The following GRIN2B variants were observed in gnomAD, a reference collection of about 807,000 sequenced individuals.
GRIN2B encodes glutamate receptor ionotropic, NMDA 2B.
GRIN2B carries 5 observed loss-of-function variants against 114.5 expected under a neutral mutation model. The ratio of observed to expected loss-of-function variants is 0.04; its 90% CI spans 0.02 to 0.09. The LOEUF is 0.09. Among genes scored for constraint, GRIN2B ranks in the 10% least tolerant of loss-of-function variants. GRIN2B has a pLI of 1.00. For missense variants in GRIN2B, 1,108 were observed against 1,943.5 expected, an observed-to-expected ratio of 0.57 and a Z score of 8.08; for synonymous variants, 787 against 745.1, an observed-to-expected ratio of 1.06 and a Z score of -0.92.
intron 2 of GRIN2B, among the ~76,000 whole-genome samples, chr12:13,905,969 C>T (rs920146678): frequency 6.6e-5 from 10 of 152,124 alleles, no homozygotes; most frequent in African/African-American, 2.2e-4. Flanking sequence ...CTAGGCTCCC[C>T]GCTTGGGTTG....
At chr12:13,686,942 C>G (rs548331934) in intron 4 of GRIN2B, among the ~76,000 whole-genome samples, 11 of 152,204 alleles carry the variant, frequency 7.2e-5, no homozygotes, top group African/African-American at 2.6e-4. Flanking sequence ...CCTTCTTTAT[C>G]AGGTCCCATG....
chr12:13,774,263 G>C (rs2136648831), intron 3 of GRIN2B, among the ~76,000 whole-genome samples: 1 of 152,286 alleles, frequency 6.6e-6, no homozygotes, highest in African/African-American at 2.4e-5. Flanking sequence ...GATAAAGATA[G>C]AACCACTTTA....
chr12:13,694,656 CATATATATATAT>C (rs67570541), intron 4 of GRIN2B, among the ~76,000 whole-genome samples: 6,685 of 71,060 alleles, frequency 0.094, 366 homozygotes, highest in Middle Eastern at 0.15. Context: ...AAGAAAATGT[CATATATATATAT>C]ATATATATAT....
Position 13,539,269 on chromosome 12 carries a change from C to T in GRIN2B, c.*23514G>A, listed in dbSNP as rs1948248500. 1 of 152,342 alleles carries T rather than the reference C, an allele frequency of 6.6e-6. No individual in the cohort carries two copies. The highest frequency in any genetic ancestry group is 6.5e-5 in the Admixed American group (1 of 15,314). The allele number at this position is 152,342 out of a possible 1,614,324, so 9.4% of individuals were successfully genotyped here. On this transcript the variant is annotated 3_prime_UTR_variant, in exon 14 of 14. Coordinates refer to ENST00000609686, the MANE Select transcript of GRIN2B (RefSeq NM_000834.5). Reference sequence around the variant, plus strand: ...TGCCATACATGAGCTCACCCAGGCTCCTTGGCCATGAGACAGAGTTCTTCT... The same window carrying T: ...TGCCATACATGAGCTCACCCAGGCTTCTTGGCCATGAGACAGAGTTCTTCT...
At chr12:13,642,221 C>CA (rs912222983) in intron 5 of GRIN2B, among the ~76,000 whole-genome samples, 25 of 151,868 alleles carry the variant, frequency 1.6e-4, no homozygotes, top group African/African-American at 5.3e-4. Flanking sequence ...AACAAACAAA[C>CA]AAGCTAGCTA....
intron 2 of GRIN2B, among the ~76,000 whole-genome samples, chr12:13,951,798 A>G (rs1329189949): frequency 2.0e-5 from 3 of 152,226 alleles, no homozygotes; most frequent in Non-Finnish European, 4.4e-5. Context: ...CTAATAGCAA[A>G]TGGCCACCAT....
intron 2 of GRIN2B, among the ~76,000 whole-genome samples, chr12:13,975,786 T>C (rs1863009022): frequency 6.6e-6 from 1 of 152,182 alleles, no homozygotes; most frequent in African/African-American, 2.4e-5. Flanking sequence ...ACAGGGCATA[T>C]AAACAAAGTC....
At chr12:13,579,939 C>T (rs774203377) in intron 10 of GRIN2B, among the ~76,000 whole-genome samples, 1 of 152,156 alleles carries the variant, frequency 6.6e-6, no homozygotes, top group Admixed American at 6.5e-5. Flanking sequence ...GGCGATGGGG[C>T]GTTAACATCA....
chr12:13,571,748 T>C, intron 11 of GRIN2B, 56 bp downstream of exon 11: 1 of 1,573,320 alleles, frequency 6.4e-7, no homozygotes, highest in South Asian at 1.1e-5. Flanking sequence ...TTCAATAGTA[T>C]GCTTAATAAA....
At chr12:13,639,997 TC>T (rs1267399409) in intron 5 of GRIN2B, among the ~76,000 whole-genome samples, 1 of 152,160 alleles carries the variant, frequency 6.6e-6, no homozygotes, top group Non-Finnish European at 1.5e-5. Context: ...TAAACCTGGT[TC>T]AAATGCTAGT....
intron 3 of GRIN2B, among the ~76,000 whole-genome samples, chr12:13,851,764 G>T (rs1312375996): frequency 6.6e-6 from 1 of 152,084 alleles, no homozygotes; most frequent in East Asian, 1.9e-4. Flanking sequence ...TTTTATTTTT[G>T]AGAATTTACA....
intron 2 of GRIN2B, among the ~76,000 whole-genome samples, chr12:13,896,772 G>T (rs983390410): frequency 6.6e-6 from 1 of 152,114 alleles, no homozygotes; most frequent in African/African-American, 2.4e-5. Flanking sequence ...TTAATTATAT[G>T]CAATACAGTT....
chr12:13,926,026 C>T (rs1416351591), intron 2 of GRIN2B, among the ~76,000 whole-genome samples: 2 of 152,096 alleles, frequency 1.3e-5, no homozygotes, highest in Admixed American at 6.5e-5. Flanking sequence ...GGCAATGGAA[C>T]GGGGCAAGAA....
chr12:13,595,546 G>T (rs1454573291), intron 10 of GRIN2B, among the ~76,000 whole-genome samples: 1 of 152,198 alleles, frequency 6.6e-6, no homozygotes, highest in Non-Finnish European at 1.5e-5. Flanking sequence ...GTTGCACCAG[G>T]TAATGGTGCT....
At chr12:13,664,221 G>A (rs540472678) in intron 5 of GRIN2B, among the ~76,000 whole-genome samples, 1 of 152,086 alleles carries the variant, frequency 6.6e-6, no homozygotes, top group African/African-American at 2.4e-5. Flanking sequence ...AGAATAGTTA[G>A]TTGCAATTAT....
intron 4 of GRIN2B, among the ~76,000 whole-genome samples, chr12:13,698,903 G>A (rs1026918436): frequency 1.3e-5 from 2 of 152,002 alleles, no homozygotes; most frequent in Non-Finnish European, 2.9e-5. Context: ...GGCTGGTCTC[G>A]AACTCCTGAC....
At chr12:13,832,460 A>G (rs1301303598) in intron 3 of GRIN2B, among the ~76,000 whole-genome samples, 1 of 152,204 alleles carries the variant, frequency 6.6e-6, no homozygotes, top group East Asian at 1.9e-4. Context: ...GAGACCCCTC[A>G]TGCCCACTGG....
chr12:13,839,163 T>G (rs1440465166), intron 3 of GRIN2B, among the ~76,000 whole-genome samples: 1 of 152,192 alleles, frequency 6.6e-6, no homozygotes, highest in Non-Finnish European at 1.5e-5. Flanking sequence ...GAAAGGTGAA[T>G]GAAGCTACAG....
intron 3 of GRIN2B, among the ~76,000 whole-genome samples, chr12:13,755,539 A>G (rs144664493): frequency 6.6e-6 from 1 of 152,338 alleles, no homozygotes; most frequent in Non-Finnish European, 1.5e-5. Flanking sequence ...TCATAGGATC[A>G]TGTAATTCAG....
Sources: gnomAD v4.1 joint callset for allele counts (sites outside exome capture counted in the v4.1 genomes callset) on GRCh38, gnomAD v4.1.1 for gene constraint, MANE v1.5 for transcripts, NCBI Gene and HGNC (gene_info 2026-07-23, HGNC 2026-07-21) for gene names.